The following MPDZ variants were observed in gnomAD, a reference collection of about 807,000 sequenced individuals.
The protein encoded by MPDZ is multiple PDZ domain protein.
MPDZ carries 234 observed loss-of-function variants against 239.1 expected under a neutral mutation model. The ratio of observed to expected loss-of-function variants is 0.98; its 90% CI spans 0.88 to 1.09. The LOEUF is 1.09. Among genes scored for constraint, MPDZ ranks in the 50% least tolerant of loss-of-function variants. MPDZ has a pLI of 0.00. For synonymous variants in MPDZ, 1,048 were observed against 881.3 expected (o/e 1.19, Z -3.35); for missense variants, 3,175 against 2,510.0 (o/e 1.26, Z -5.66).
At chr9:13,266,315 G>C (rs1021314806) in intron 1 of MPDZ, among the ~76,000 whole-genome samples, 4 of 152,092 alleles carry the variant, frequency 2.6e-5, no homozygotes, top group Admixed American at 1.3e-4. Flanking sequence ...TATTTAATGT[G>C]GTTGTTTTTC....
At chr9:13,225,997 C>T (rs1960453677) in intron 3 of MPDZ, among the ~76,000 whole-genome samples, 5 of 152,072 alleles carry the variant, frequency 3.3e-5, no homozygotes, top group Admixed American at 3.3e-4. Context: ...CTAAGACCTT[C>T]TAGTGAATTA....
chr9:13,223,055 T>C (rs755100641), intron 5 of MPDZ, among the ~76,000 whole-genome samples: 4 of 152,104 alleles, frequency 2.6e-5, no homozygotes, highest in African/African-American at 7.2e-5. Flanking sequence ...TTAGGCATTA[T>C]AAGTTAAAGA....
chr9:13,191,707 C>G (rs1361160042), intron 15 of MPDZ, among the ~76,000 whole-genome samples: 6 of 152,060 alleles, frequency 3.9e-5, no homozygotes, highest in Non-Finnish European at 8.8e-5. Flanking sequence ...TATTTTTTAC[C>G]ACATATGTAC....
chr9:13,176,773 T>C (rs989506593), intron 19 of MPDZ, among the ~76,000 whole-genome samples: 1 of 152,152 alleles, frequency 6.6e-6, no homozygotes, highest in Admixed American at 6.5e-5. Context: ...CTTCCAAATC[T>C]CACTTAAAGT....
At chr9:13,169,850 T>C (rs1951560937) in intron 21 of MPDZ, among the ~76,000 whole-genome samples, 1 of 152,132 alleles carries the variant, frequency 6.6e-6, no homozygotes, top group Non-Finnish European at 1.5e-5. Context: ...GCATCTCGTC[T>C]CTGTCCGTTT....
At chr9:13,218,653 T>TA (rs1587885039) in intron 8 of MPDZ, among the ~76,000 whole-genome samples, 1 of 151,848 alleles carries the variant, frequency 6.6e-6, no homozygotes. Flanking sequence ...GTTAGGATAT[T>TA]AAAAAAGAAT....
At chr9:13,217,490 A>C (rs1958501585) in intron 8 of MPDZ, among the ~76,000 whole-genome samples, 196 bp from the exon 9 acceptor site, 1 of 151,872 alleles carries the variant, frequency 6.6e-6, no homozygotes, top group South Asian at 2.1e-4. Context: ...TTGCTCAGAA[A>C]GGGATATCAG....
At chr9:13,145,735 T>C (rs1210516666) in intron 26 of MPDZ, among the ~76,000 whole-genome samples, 1 of 152,014 alleles carries the variant, frequency 6.6e-6, no homozygotes, top group African/African-American at 2.4e-5. Context: ...CAGGTATCAT[T>C]ATACCTCAGA....
chr9:13,201,558 G>A (rs1436747393), intron 12 of MPDZ, among the ~76,000 whole-genome samples: 3 of 151,822 alleles, frequency 2.0e-5, no homozygotes, highest in Admixed American at 6.6e-5. Flanking sequence ...TTACACAGAG[G>A]TTAGTTCACT....
Position 13,110,067 on chromosome 9 carries a change from G to A in MPDZ, c.5830-3C>T, listed in dbSNP as rs143773952. On this transcript the variant is annotated splice_polypyrimidine_tract_variant and splice_region_variant and intron_variant, in intron 44 of 46. Transcript: ENST00000319217. Reference sequence around the variant, plus strand: ...CTCACGTCTCCTCCAGCAACCACCTGCGCACAGGAGGAGGATAAACAGAAA... The same window carrying A: ...CTCACGTCTCCTCCAGCAACCACCTACGCACAGGAGGAGGATAAACAGAAA... 157 of 1,609,462 alleles carry A rather than the reference G, an allele frequency of 9.8e-5. No individual in the cohort carries two copies. The African/African-American group carries it at 1.7e-3, about 18-fold the overall frequency.
chr9:13,152,231 G>A (rs1024953595), intron 24 of MPDZ, among the ~76,000 whole-genome samples: 2 of 152,058 alleles, frequency 1.3e-5, no homozygotes, highest in Non-Finnish European at 2.9e-5. Flanking sequence ...GACATGAAGA[G>A]CAGTGACTGC....
chr9:13,183,433 T>G lies in MPDZ; in HGVS notation c.2634A>C (p.Pro878=), dbSNP rs1239491487. The stretch of plus-strand genomic sequence containing the variant: ...TCCTTTGTACCTTAGGAGGAGATGA[T>G]GGAAGGGAAGAACCATAGTTCAGGC... ...GDGLNYGSSL[P]SSPPKDVIEN... The change falls in exon 19 of 47, where the codon CCA becomes CCC. Residue 878 remains proline (P), a synonymous_variant. Transcript: ENST00000319217. 3 of 1,606,682 alleles carry G rather than the reference T, an allele frequency of 1.9e-6. No homozygotes were observed. Among genetic ancestry groups the G allele is most frequent in the Non-Finnish European group, 2.5e-6 (3 of 1,177,478 alleles).
In MPDZ at chr9:13,221,200, C is replaced by T. The variant is rs546500189; in HGVS notation, c.876+172G>A. Among the ~76,000 whole-genome samples the T allele has an allele frequency of 2.0e-5, 3 of 152,052 alleles. No homozygotes were observed. In the South Asian group the frequency reaches 6.2e-4, roughly 32 times the overall value. On this transcript the variant is annotated intron_variant, in intron 7 of 46. Coordinates refer to ENST00000319217, the MANE Select transcript of MPDZ (RefSeq NM_001378778.1). Reference sequence around the variant, plus strand: ...TTACTGTCCCTTTTCAAAGGTATTCCTCCCCTAGGTCTAAGACAACATTTT... The same window carrying T: ...TTACTGTCCCTTTTCAAAGGTATTCTTCCCCTAGGTCTAAGACAACATTTT...
Position 13,221,516 on chromosome 9 carries a change from A to AT in MPDZ, c.748-17dup, listed in dbSNP as rs1959091109. ...GCCAGTGAACCTACAAACAAAGCTCATATATGAATTTGTAGAAATTTACAA... is the reference window on the plus strand; with the variant it reads ...GCCAGTGAACCTACAAACAAAGCTCATTATATGAATTTGTAGAAATTTACAA... On this transcript the variant is annotated splice_polypyrimidine_tract_variant and intron_variant, in intron 6 of 46. Coordinates refer to ENST00000319217, the MANE Select transcript of MPDZ (RefSeq NM_001378778.1). 1.2e-6 allele frequency: 2 copies of AT among 1,601,360 alleles called. No individual in the cohort carries two copies. Among genetic ancestry groups the AT allele is most frequent in the Middle Eastern group, 3.3e-4 (2 of 5,994 alleles).
At position 13,176,294 on chromosome 9, in the gene MPDZ, G is replaced by C; in HGVS notation, c.2773C>G (p.Pro925Ala). The C allele has an allele frequency of 6.2e-7, 1 of 1,610,360 alleles. No homozygotes were observed. The highest frequency in any genetic ancestry group is 8.5e-7 in the Non-Finnish European group (1 of 1,178,144). Residue 925 changes from proline (P) to alanine (A), a missense_variant, in exon 20 of 47, where the codon CCT (proline) becomes GCT (alanine). Coordinates refer to ENST00000319217, the MANE Select transcript of MPDZ (RefSeq NM_001378778.1). ...NTPSVDISMG[P>A]ASGFTINDYT... is the part of the protein sequence containing the mutation. ...TCATTTATAGTAAAGCCAGAAGCAG[G>C]CCCCATACTTATGTCCACCGAAGGT...
At chr9:13,135,821 G>C (rs1363333242) in intron 31 of MPDZ, 1 of 259,554 alleles carries the variant, frequency 3.9e-6, no homozygotes. Flanking sequence ...TCCATATAAA[G>C]TTTTATCCTC....
At position 13,193,308 on chromosome 9, in the gene MPDZ, G is replaced by T; in HGVS notation, c.1662C>A (p.Ala554=). Residue 554 remains alanine, a synonymous_variant, in exon 14 of 47, where the codon GCC becomes GCA. Transcript: ENST00000319217. ...IMGINYEIVV[A]HVSKFSENSG... Reference sequence around the variant, plus strand: ...TGTTCTCACTAAACTTGCTCACATGGGCCACCTGAAAAGAAAAAAAAAAAG... The same window carrying T: ...TGTTCTCACTAAACTTGCTCACATGTGCCACCTGAAAAGAAAAAAAAAAAG... 1 of 1,581,358 alleles carries T rather than the reference G, an allele frequency of 6.3e-7. No individual in the cohort carries two copies. The highest frequency in any genetic ancestry group is 8.6e-7 in the Non-Finnish European group (1 of 1,166,338).
chr9:13,193,691 TC>T (rs1955255874), intron 13 of MPDZ, among the ~76,000 whole-genome samples: 1 of 152,164 alleles, frequency 6.6e-6, no homozygotes. Context: ...AGAACCACAT[TC>T]CTGGGTTTAT....
intron 29 of MPDZ, among the ~76,000 whole-genome samples, chr9:13,137,054 A>C (rs1036928002): frequency 1.3e-5 from 2 of 152,130 alleles, no homozygotes; most frequent in African/African-American, 4.8e-5. Context: ...AAGAGGCACC[A>C]CTTGGACCAA....
Sources: gnomAD v4.1 joint callset for allele counts (sites outside exome capture counted in the v4.1 genomes callset) on GRCh38, gnomAD v4.1.1 for gene constraint, MANE v1.5 for transcripts, NCBI Gene and HGNC (gene_info 2026-07-23, HGNC 2026-07-21) for gene names.